CCDC178: variants seen among roughly 807,000 people sequenced by gnomAD.
The protein encoded by CCDC178 is coiled-coil domain containing 178, also known as coiled-coil domain-containing protein 178.
A neutral mutation model predicts 117.4 loss-of-function variants in CCDC178; 126 were observed. The observed-to-expected ratio is 1.07, with a 90% CI of 0.93 to 1.24. CCDC178 has a LOEUF of 1.24. CCDC178 is among the 50% of genes most tolerant of loss of function. The pLI, the probability that CCDC178 is intolerant of heterozygous loss-of-function variation, is 0.00. For synonymous variants in CCDC178, 283 were observed against 313.4 expected (o/e 0.90, Z 1.02); for missense variants, 1,030 against 986.9 (o/e 1.04, Z -0.59).
At chr18:33,347,947 T>C (rs192074797) in intron 8 of CCDC178, among the ~76,000 whole-genome samples, 32 of 152,160 alleles carry the variant, frequency 2.1e-4, no homozygotes, top group Non-Finnish European at 4.1e-4. Context: ...AAGGCCTTGA[T>C]TACAACAAAT....
chr18:33,041,780 A>G (rs943058066), intron 21 of CCDC178, among the ~76,000 whole-genome samples: 1 of 151,954 alleles, frequency 6.6e-6, no homozygotes, highest in Non-Finnish European at 1.5e-5. Context: ...ATTGATTGGA[A>G]AGGTAAACAT....
At chr18:33,020,402 T>C (rs1028423720) in intron 21 of CCDC178, among the ~76,000 whole-genome samples, 1 of 152,188 alleles carries the variant, frequency 6.6e-6, no homozygotes, top group African/African-American at 2.4e-5. Context: ...AAATATAATA[T>C]AGCCATAGTA....
intron 12 of CCDC178, among the ~76,000 whole-genome samples, chr18:33,276,425 T>C (rs527410987): frequency 6.6e-6 from 1 of 151,512 alleles, no homozygotes; most frequent in South Asian, 2.1e-4. Context: ...GGATTCAGAG[T>C]TGGCAGTTGG....
intron 14 of CCDC178, among the ~76,000 whole-genome samples, chr18:33,253,660 T>C (rs1046205729): frequency 6.6e-6 from 1 of 151,970 alleles, no homozygotes; most frequent in Non-Finnish European, 1.5e-5. Context: ...CATAAGCTTT[T>C]GATTTTTTTT....
chr18:33,212,160 C>T (rs1295403211), intron 19 of CCDC178, 105 bp from the exon 20 acceptor site: 4 of 812,116 alleles, frequency 4.9e-6, no homozygotes, highest in Non-Finnish European at 7.3e-6. Flanking sequence ...TCTTGAAGAC[C>T]CTTGAACTGA....
chr18:33,249,435 A>C (rs542634804), intron 14 of CCDC178, among the ~76,000 whole-genome samples: 190 of 152,066 alleles, frequency 1.2e-3, no homozygotes, highest in African/African-American at 4.4e-3. Flanking sequence ...ATCTTTAATA[A>C]ATTTTTGTAT....
intron 21 of CCDC178, among the ~76,000 whole-genome samples, chr18:33,049,727 C>G (rs1304556836): frequency 6.6e-6 from 1 of 152,106 alleles, no homozygotes; most frequent in African/African-American, 2.4e-5. Flanking sequence ...ACAGAAAAAT[C>G]AGAGAACTCC....
At chr18:33,055,303 GA>G (rs1249499780) in intron 21 of CCDC178, among the ~76,000 whole-genome samples, 1 of 151,524 alleles carries the variant, frequency 6.6e-6, no homozygotes, top group Non-Finnish European at 1.5e-5. Context: ...TTTTTCATGT[GA>G]AAAAAAATCT....
intron 14 of CCDC178, among the ~76,000 whole-genome samples, chr18:33,247,147 C>A (rs929888145): frequency 6.6e-6 from 1 of 150,734 alleles, no homozygotes; most frequent in Non-Finnish European, 1.5e-5. Flanking sequence ...AGAAAAGAGA[C>A]CTGCTTATTT....
chr18:33,036,191 T>C (rs1010114431), intron 21 of CCDC178, among the ~76,000 whole-genome samples: 2 of 151,940 alleles, frequency 1.3e-5, no homozygotes, highest in East Asian at 1.9e-4. Flanking sequence ...CTTTATATAA[T>C]TGAAATTTGT....
At chr18:33,144,688 T>C (rs191209249) in intron 20 of CCDC178, among the ~76,000 whole-genome samples, 1 of 152,244 alleles carries the variant, frequency 6.6e-6, no homozygotes, top group Admixed American at 6.5e-5. Flanking sequence ...GAGGAAATAA[T>C]TGTAGAAGCA....
intron 20 of CCDC178, among the ~76,000 whole-genome samples, chr18:33,199,170 T>A (rs1022044037): frequency 1.3e-5 from 2 of 152,140 alleles, no homozygotes; most frequent in East Asian, 3.9e-4. Flanking sequence ...TGCTACTTTA[T>A]TAGGGACCCA....
intron 11 of CCDC178, among the ~76,000 whole-genome samples, chr18:33,306,412 T>TTGTGTGTG (rs71159815): frequency 0.073 from 9,239 of 126,146 alleles, 754 homozygotes; most frequent in South Asian, 0.15. Flanking sequence ...TATTGGATCT[T>TTGTGTGTG]TGTGTGTGTG....
intron 20 of CCDC178, among the ~76,000 whole-genome samples, chr18:33,163,042 C>T (rs1049016337): frequency 1.4e-4 from 22 of 152,124 alleles, no homozygotes; most frequent in African/African-American, 4.8e-4. Flanking sequence ...AATTTACACT[C>T]CCACCAGCGG....
chr18:33,006,639 C>T (rs962459580), intron 21 of CCDC178, among the ~76,000 whole-genome samples: 4 of 152,002 alleles, frequency 2.6e-5, no homozygotes, highest in African/African-American at 9.7e-5. Context: ...CTCTGGCTTG[C>T]TTCTAGCCAA....
intron 14 of CCDC178, among the ~76,000 whole-genome samples, chr18:33,250,717 G>C (rs1463027927): frequency 6.6e-6 from 1 of 151,534 alleles, no homozygotes; most frequent in Non-Finnish European, 1.5e-5. Context: ...CAGGAAATAG[G>C]ATAGATAGGT....
intron 21 of CCDC178, among the ~76,000 whole-genome samples, chr18:32,997,774 C>A (rs2055546935): frequency 6.6e-6 from 1 of 151,826 alleles, no homozygotes; most frequent in Non-Finnish European, 1.5e-5. Flanking sequence ...TCTGGAGAAT[C>A]CTGACCAAAA....
chr18:33,436,934 A>T (rs1477999313), intron 2 of CCDC178, among the ~76,000 whole-genome samples: 1 of 152,058 alleles, frequency 6.6e-6, no homozygotes, highest in Non-Finnish European at 1.5e-5. Context: ...GAACAAAGAA[A>T]CCTGTGCCTG....
chr18:33,142,064 A>G (rs1221449484), intron 20 of CCDC178, among the ~76,000 whole-genome samples: 1 of 152,166 alleles, frequency 6.6e-6, no homozygotes, highest in Non-Finnish European at 1.5e-5. Context: ...TTTAAACTAT[A>G]GTTAAATAGG....
Sources: gnomAD v4.1 joint callset for allele counts (sites outside exome capture counted in the v4.1 genomes callset) on GRCh38, gnomAD v4.1.1 for gene constraint, MANE v1.5 for transcripts, NCBI Gene and HGNC (gene_info 2026-07-23, HGNC 2026-07-21) for gene names.